Variants in CERKL observed in about 807,000 individuals in gnomAD.
The protein encoded by CERKL is ceramide kinase-like protein.
A neutral mutation model predicts 63.4 loss-of-function variants in CERKL; 61 were observed. The ratio of observed to expected loss-of-function variants is 0.96; its 90% CI spans 0.78 to 1.19. CERKL has a LOEUF of 1.19. Ranked by LOEUF, CERKL falls within the 50% of genes most tolerant of loss-of-function variation. The pLI is 0.00. For synonymous variants in CERKL, 250 were observed against 230.5 expected (o/e 1.08, Z -0.77); for missense variants, 675 against 655.5 (o/e 1.03, Z -0.33).
intron 3 of CERKL, among the ~76,000 whole-genome samples, chr2:181,573,421 T>C (rs1688992220): frequency 1.3e-5 from 2 of 152,112 alleles, no homozygotes; most frequent in South Asian, 4.1e-4. Context: ...AAAAATCAAT[T>C]TCTTGCCTAA....
intron 1 of CERKL, among the ~76,000 whole-genome samples, chr2:181,639,592 T>A (rs1687334058): frequency 6.6e-6 from 1 of 152,178 alleles, no homozygotes; most frequent in African/African-American, 2.4e-5. Context: ...TCAAAGGTTT[T>A]TATTATTTTG....
At chr2:181,590,227 T>TG (rs1684936136) in intron 2 of CERKL, among the ~76,000 whole-genome samples, 1 of 152,148 alleles carries the variant, frequency 6.6e-6, no homozygotes. Flanking sequence ...AACCTCCACC[T>TG]GCTGGGTTCA....
At chr2:181,621,691 G>A (rs1686460808) in intron 1 of CERKL, among the ~76,000 whole-genome samples, 1 of 152,088 alleles carries the variant, frequency 6.6e-6, no homozygotes, top group Non-Finnish European at 1.5e-5. Flanking sequence ...ATTACCTGAT[G>A]AGAAAATTTT....
chr2:181,596,462 G>A (rs867036215), intron 2 of CERKL, among the ~76,000 whole-genome samples: 1 of 152,136 alleles, frequency 6.6e-6, no homozygotes, highest in Non-Finnish European at 1.5e-5. Flanking sequence ...AGCTGAAAGG[G>A]TAGAGGTTAT....
At chr2:181,546,725 G>A (rs1288762479) in intron 10 of CERKL, among the ~76,000 whole-genome samples, 3 of 152,152 alleles carry the variant, frequency 2.0e-5, no homozygotes, top group Non-Finnish European at 4.4e-5. Flanking sequence ...GAATGTGCAA[G>A]AGAAGGAATG....
chr2:181,656,900 G>T lies in CERKL; in HGVS notation c.107C>A (p.Pro36Gln). ...CTCGGCCGCCGCCTCCGTCTGCTGC[G>T]GGGACGTTAACAGCGCCGGAGGCAC... ...AAVPPALLTS[P>Q]QQTEAAAERI... The change falls in exon 1 of 13, where the codon CCG (proline) becomes CAG (glutamine). Residue 36 changes from proline (P) to glutamine (Q), a missense_variant. Pro to Gln is a moderately conservative substitution (Grantham distance 76). Transcript: ENST00000410087. 6.2e-7 allele frequency: 1 copy of T among 1,604,636 alleles called. No individual in the cohort carries two copies. Among genetic ancestry groups the T allele is most frequent in the Non-Finnish European group, 8.5e-7 (1 of 1,175,022 alleles).
At chr2:181,572,576 T>C (rs1048695941) in intron 3 of CERKL, among the ~76,000 whole-genome samples, 3 of 152,184 alleles carry the variant, frequency 2.0e-5, no homozygotes, top group African/African-American at 4.8e-5. Context: ...AAATCTTCAG[T>C]AGAAAGAAAA....
At chr2:181,613,623 A>G (rs1485619840) in intron 1 of CERKL, among the ~76,000 whole-genome samples, 1 of 152,214 alleles carries the variant, frequency 6.6e-6, no homozygotes, top group Admixed American at 6.5e-5. Flanking sequence ...AAGAAAAACT[A>G]TAGGCTTAGA....
Position 181,603,985 on chromosome 2 carries a change from C to A in CERKL, c.333G>T (p.Gln111His). ...VKLKRRCSVKQQRSGTLLGIT... is the reference protein window; with the variant it reads ...VKLKRRCSVKHQRSGTLLGIT... ...TACCTAATAAAGTACCACTTCTCTG[C>A]TGTTTAACAGAACAACGCCGTTTCA... The change falls in exon 2 of 13, where the codon CAG (glutamine) becomes CAT (histidine). Residue 111 changes from glutamine (Q) to histidine (H), a missense_variant. Physicochemically the swap from Gln to His is conservative, Grantham distance 24 (BLOSUM62 0). Transcript: ENST00000410087. 2 of 1,613,242 alleles carry A rather than the reference C, an allele frequency of 1.2e-6. No homozygotes were observed. Among genetic ancestry groups the A allele is most frequent in the Non-Finnish European group, 1.7e-6 (2 of 1,179,600 alleles).
Position 181,616,206 on chromosome 2 carries a change from ATT to A in CERKL, c.239-12129_239-12128del, listed in dbSNP as rs35040208. ...ATCAATGAAACAGTCAAAAATCTAAATTTTTTTTTTTTTTTTTTTTTTTTTAA... is the reference window on the plus strand; with the variant it reads ...ATCAATGAAACAGTCAAAAATCTAAATTTTTTTTTTTTTTTTTTTTTTTAA... On this transcript the variant is annotated intron_variant, in intron 1 of 12. Transcript: ENST00000410087. 5.3e-3 allele frequency among the ~76,000 whole-genome samples: 586 copies of A among 110,052 alleles called. 7 individuals carry two copies. The highest frequency in any genetic ancestry group is 0.037 in the East Asian group (132 of 3,614). The allele number at this position is 110,052 out of a possible 152,430, so 72.2% of individuals were successfully genotyped here. A position where few individuals can be genotyped will look rare whatever the true frequency, so the allele number is the denominator to read the frequency against.
chr2:181,628,647 C>T (rs59423625), intron 1 of CERKL, among the ~76,000 whole-genome samples: 1 of 152,022 alleles, frequency 6.6e-6, no homozygotes, highest in African/African-American at 2.4e-5. Context: ...CTTTTCTGCT[C>T]TTCAAGGGGA....
At chr2:181,635,682 A>T (rs1163443133) in intron 1 of CERKL, among the ~76,000 whole-genome samples, 2 of 152,216 alleles carry the variant, frequency 1.3e-5, no homozygotes, top group Non-Finnish European at 2.9e-5. Flanking sequence ...TTATGTTTGT[A>T]ACATTTAGTA....
chr2:181,573,959 C>T (rs1021124806), intron 2 of CERKL, 75 bp from the exon 3 acceptor site: 1 of 1,394,840 alleles, frequency 7.2e-7, no homozygotes, highest in African/African-American at 1.4e-5. Flanking sequence ...AAATGACACA[C>T]AAGTCTGTTA....
chr2:181,652,180 C>A (rs529226135), intron 1 of CERKL, among the ~76,000 whole-genome samples: 18 of 151,824 alleles, frequency 1.2e-4, no homozygotes, highest in East Asian at 7.7e-4. Flanking sequence ...ACAAAAAAAA[C>A]CCCAAATAGC....
chr2:181,595,205 T>A (rs1335291448), intron 2 of CERKL, among the ~76,000 whole-genome samples: 1 of 142,792 alleles, frequency 7.0e-6, no homozygotes, highest in Admixed American at 6.8e-5. Context: ...TGTGTTTATA[T>A]GTGTTTTTAA....
intron 4 of CERKL, chr2:181,565,408 T>G: frequency 1.9e-6 from 3 of 1,563,876 alleles, no homozygotes; most frequent in South Asian, 1.1e-5. Context: ...TTTTAAAAAA[T>G]GGCAATGAAA....
At position 181,547,826 on chromosome 2, in the gene CERKL, T is replaced by C; in HGVS notation, c.1155A>G (p.Lys385=). Residue 385 remains lysine (K), a synonymous_variant, in exon 9 of 13, where the codon AAA becomes AAG. Coordinates refer to ENST00000410087, the MANE Select transcript of CERKL (RefSeq NM_201548.5). ...AGGAGATACTTTTCGACTCACCAGATTTGGGAGATCCCTGTGCCCTCCTAA... is the reference window on the plus strand; with the variant it reads ...AGGAGATACTTTTCGACTCACCAGACTTGGGAGATCCCTGTGCCCTCCTAA... The part of the protein sequence containing the change: ...VQERRAQGSP[K]SDCNDQWQMI... The C allele has an allele frequency of 6.2e-7, 1 of 1,614,016 alleles. No homozygotes were observed.
chr2:181,578,844 T>C (rs1684375317), intron 2 of CERKL, among the ~76,000 whole-genome samples: 1 of 151,992 alleles, frequency 6.6e-6, no homozygotes. Flanking sequence ...TTCAGGTTGT[T>C]TCCAATCTTC....
chr2:181,539,680 C>T (rs1479984246), intron 11 of CERKL, among the ~76,000 whole-genome samples: 1 of 152,118 alleles, frequency 6.6e-6, no homozygotes, highest in African/African-American at 2.4e-5. Context: ...TGGAAGAACG[C>T]AAGTCTAAAC....
Sources: gnomAD v4.1 joint callset for allele counts (sites outside exome capture counted in the v4.1 genomes callset) on GRCh38, gnomAD v4.1.1 for gene constraint, MANE v1.5 for transcripts, NCBI Gene and HGNC (gene_info 2026-07-23, HGNC 2026-07-21) for gene names.